Variants in PLCL1 observed in about 807,000 individuals in gnomAD.
PLCL1 encodes phospholipase C like 1 (inactive).
PLCL1 carries 41 observed loss-of-function variants against 84.4 expected under a neutral mutation model. The ratio of observed to expected loss-of-function variants is 0.49; its 90% CI spans 0.38 to 0.63. The LOEUF is 0.63. Among genes scored for constraint, PLCL1 ranks in the 30% least tolerant of loss-of-function variants. The pLI is 0.00. For missense variants in PLCL1, 1,206 were observed against 1,367.8 expected (o/e 0.88, Z 1.87); for synonymous variants, 490 against 488.3 (o/e 1.00, Z -0.05).
chr2:197,999,758 T>C (rs1308046867), intron 1 of PLCL1, among the ~76,000 whole-genome samples: 2 of 152,194 alleles, frequency 1.3e-5, no homozygotes, highest in Admixed American at 6.5e-5. Context: ...GAAATTTAAA[T>C]TGCATATATA....
intron 1 of PLCL1, among the ~76,000 whole-genome samples, chr2:198,040,194 G>T (rs1381962246): frequency 6.6e-6 from 1 of 152,162 alleles, no homozygotes; most frequent in Admixed American, 6.5e-5. Context: ...TAGACGAGGA[G>T]TTGAGGAGGG....
intron 1 of PLCL1, among the ~76,000 whole-genome samples, chr2:198,043,881 C>CTTTATTT (rs768678501): frequency 3.2e-5 from 4 of 124,870 alleles, no homozygotes; most frequent in African/African-American, 1.2e-4. Flanking sequence ...AATTCTTGTT[C>CTTTATTT]TTTTTTTTTT....
chr2:197,996,837 AC>A (rs1232787733), intron 1 of PLCL1, among the ~76,000 whole-genome samples: 1 of 152,158 alleles, frequency 6.6e-6, no homozygotes, highest in Admixed American at 6.5e-5. Flanking sequence ...TAGTAAAGCA[AC>A]CCAAATTGCA....
intron 1 of PLCL1, among the ~76,000 whole-genome samples, chr2:197,917,587 T>C (rs1688620610): frequency 1.3e-5 from 2 of 152,198 alleles, no homozygotes; most frequent in African/African-American, 2.4e-5. Flanking sequence ...TAGAACTTTA[T>C]AGTACACAGA....
intron 1 of PLCL1, among the ~76,000 whole-genome samples, chr2:198,036,378 A>T (rs1574264121): frequency 6.6e-6 from 1 of 152,236 alleles, no homozygotes; most frequent in African/African-American, 2.4e-5. Context: ...ATTTTCTATT[A>T]GTTTGAATTA....
At chr2:198,039,224 G>A (rs1199154886) in intron 1 of PLCL1, among the ~76,000 whole-genome samples, 1 of 151,992 alleles carries the variant, frequency 6.6e-6, no homozygotes, top group Admixed American at 6.6e-5. Flanking sequence ...GGTTGTTTTG[G>A]GACCTGCAAT....
intron 1 of PLCL1, among the ~76,000 whole-genome samples, chr2:197,871,107 C>T (rs1687644606): frequency 6.6e-6 from 1 of 152,046 alleles, no homozygotes; most frequent in African/African-American, 2.4e-5. Context: ...TGATACTTAC[C>T]CTCAAGCAGG....
intron 5 of PLCL1, among the ~76,000 whole-genome samples, chr2:198,141,943 T>G (rs1285705365): frequency 6.6e-6 from 1 of 152,176 alleles, no homozygotes; most frequent in Non-Finnish European, 1.5e-5. Flanking sequence ...CTTTAAATAT[T>G]TGTGGTGTGC....
chr2:197,812,296 G>A lies in PLCL1; in HGVS notation c.240+6957G>A, dbSNP rs114633390. On this transcript the variant is annotated intron_variant, in intron 1 of 5. Coordinates refer to ENST00000428675, the MANE Select transcript of PLCL1 (RefSeq NM_006226.4). ...AGTGCATGTGTCTTTTTGGTAGAGCGCTGTTGGATATATACCCAGTTGTGG... is the reference window on the plus strand; with the variant it reads ...AGTGCATGTGTCTTTTTGGTAGAGCACTGTTGGATATATACCCAGTTGTGG... Among the ~76,000 whole-genome samples, 1,466 of 152,238 alleles carry A rather than the reference G, an allele frequency of 9.6e-3. 22 individuals are homozygous for A. The highest frequency in any genetic ancestry group is 0.034 in the African/African-American group (1,403 of 41,534).
At chr2:198,063,076 C>T (rs1692240532) in intron 1 of PLCL1, among the ~76,000 whole-genome samples, 1 of 152,160 alleles carries the variant, frequency 6.6e-6, no homozygotes, top group Non-Finnish European at 1.5e-5. Context: ...TGAGATGAGA[C>T]ACATCTGGGT....
chr2:197,895,358 G>T (rs1003763898), intron 1 of PLCL1, among the ~76,000 whole-genome samples: 67 of 151,956 alleles, frequency 4.4e-4, no homozygotes, highest in African/African-American at 1.5e-3. Flanking sequence ...TCTAAGAGAA[G>T]AATATAGGTA....
intron 1 of PLCL1, among the ~76,000 whole-genome samples, chr2:197,929,589 GA>G (rs1406042389): frequency 6.6e-6 from 1 of 152,196 alleles, no homozygotes; most frequent in East Asian, 1.9e-4. Context: ...AGGTTAGGTA[GA>G]AGGGATATGA....
chr2:198,073,497 C>T (rs1046472850), intron 1 of PLCL1, among the ~76,000 whole-genome samples: 3 of 152,172 alleles, frequency 2.0e-5, no homozygotes, highest in South Asian at 2.1e-4. Flanking sequence ...TTCATCTTGA[C>T]GTTGAAACCA....
chr2:198,074,680 G>T (rs1221056211), intron 1 of PLCL1, among the ~76,000 whole-genome samples: 1 of 152,092 alleles, frequency 6.6e-6, no homozygotes, highest in East Asian at 1.9e-4. Flanking sequence ...CTGAAAAGTC[G>T]CAAGGAAGGA....
intron 1 of PLCL1, among the ~76,000 whole-genome samples, chr2:197,971,044 A>C (rs1444112162): frequency 6.6e-6 from 1 of 152,238 alleles, no homozygotes; most frequent in Non-Finnish European, 1.5e-5. Flanking sequence ...CTCCTGATGA[A>C]ATTTTTTAGC....
Position 197,882,171 on chromosome 2 carries a change from T to C in PLCL1, c.240+76832T>C, listed in dbSNP as rs886598007. On this transcript the variant is annotated intron_variant, in intron 1 of 5. Transcript: ENST00000428675. ...GGGGAGGAGCCAAGGCTTCCAGTTA[T>C]TGGGAATCCTAATTTGGTGTGGAAT... Among the ~76,000 whole-genome samples the C allele has an allele frequency of 2.0e-5, 3 of 152,288 alleles. No individual in the cohort carries two copies. The East Asian group carries it at 5.8e-4, about 29-fold the overall frequency.
At chr2:197,948,940 G>A (rs548271548) in intron 1 of PLCL1, among the ~76,000 whole-genome samples, 15 of 152,096 alleles carry the variant, frequency 9.9e-5, no homozygotes, top group Non-Finnish European at 1.9e-4. Flanking sequence ...CTGATCATAT[G>A]TTTGCCCTTT....
chr2:198,050,140 A>G lies in PLCL1; in HGVS notation c.241-33618A>G, dbSNP rs116220637. Among the ~76,000 whole-genome samples, 679 of 152,288 alleles carry G rather than the reference A, an allele frequency of 4.5e-3. 5 individuals are homozygous for G. Among genetic ancestry groups the G allele is most frequent in the African/African-American group, 0.016 (650 of 41,548 alleles). On this transcript the variant is annotated intron_variant, in intron 1 of 5. Coordinates refer to ENST00000428675, the MANE Select transcript of PLCL1 (RefSeq NM_006226.4). ...CTGTAGTGTGCAGTCTGACACAGAAAAGGTTCTAGCTCACAGTTGCCTGGT... is the reference window on the plus strand; with the variant it reads ...CTGTAGTGTGCAGTCTGACACAGAAGAGGTTCTAGCTCACAGTTGCCTGGT...
chr2:198,012,866 A>C (rs1191104476), intron 1 of PLCL1, among the ~76,000 whole-genome samples: 3 of 152,002 alleles, frequency 2.0e-5, no homozygotes, highest in Non-Finnish European at 4.4e-5. Flanking sequence ...TATTCTATAG[A>C]TAGTTTATTT....
Sources: allele counts gnomAD v4.1 joint callset (sites outside exome capture counted in the v4.1 genomes callset), GRCh38; gene constraint gnomAD v4.1.1; transcripts MANE v1.5; gene names NCBI Gene and HGNC (gene_info 2026-07-23, HGNC 2026-07-21).